FAM149A: variants seen among roughly 807,000 people sequenced by gnomAD.
FAM149A encodes protein FAM149A.
FAM149A carries 71 observed loss-of-function variants against 78.2 expected under a neutral mutation model. The observed-to-expected ratio is 0.91, with a 90% CI of 0.75 to 1.11. The LOEUF (loss-of-function observed/expected upper bound fraction) is 1.11, where lower values mean the gene tolerates loss of function less well. Ranked by LOEUF, FAM149A falls within the 50% of genes least tolerant of loss-of-function variation. The probability of loss-of-function intolerance (pLI) is 0.00; values close to 1 mark genes in which losing one functional copy is unlikely to be tolerated. For synonymous variants in FAM149A, 446 were observed against 410.5 expected (o/e 1.09, Z -1.04); for missense variants, 1,036 against 971.0 (o/e 1.07, Z -0.89).
At chr4:186,170,016 T>A in intron 13 of FAM149A, 2 of 850,250 alleles carry the variant, frequency 2.4e-6, no homozygotes, top group Non-Finnish European at 2.8e-6. Context: ...TTCATCCCCA[T>A]TTGGGGAGTG....
chr4:186,109,675 A>G (rs1230824746), intron 1 of FAM149A: 2 of 983,844 alleles, frequency 2.0e-6, no homozygotes, highest in Non-Finnish European at 2.4e-6. Context: ...AAAAAGTGTT[A>G]TCTATGATTA....
At chr4:186,168,502 C>T (rs1356992144) in intron 13 of FAM149A, among the ~76,000 whole-genome samples, 3 of 152,180 alleles carry the variant, frequency 2.0e-5, no homozygotes, top group Non-Finnish European at 4.4e-5. Flanking sequence ...ATTACAGGCA[C>T]ATGCCACGAT....
chr4:186,128,250 A>G (rs1021775593), intron 1 of FAM149A, among the ~76,000 whole-genome samples: 5 of 151,976 alleles, frequency 3.3e-5, no homozygotes, highest in Non-Finnish European at 7.4e-5. Flanking sequence ...CTGCCTCCCA[A>G]AATTCTGAGA....
At chr4:186,125,476 G>A (rs929962517) in intron 1 of FAM149A, 18 of 441,276 alleles carry the variant, frequency 4.1e-5, no homozygotes, top group Non-Finnish European at 5.4e-5. Flanking sequence ...GAAGCCTGAG[G>A]AAGATAGTCC....
Position 186,155,910 on chromosome 4 carries a change from A to G in FAM149A, c.1230-90A>G, listed in dbSNP as rs1018583615. 18 of 965,836 alleles carry G rather than the reference A, an allele frequency of 1.9e-5. 1 individual carries two copies. Among genetic ancestry groups the G allele is most frequent in the Non-Finnish European group, 2.5e-5 (16 of 650,186 alleles). The allele number at this position is 965,836 out of a possible 1,614,324, so 59.8% of individuals were successfully genotyped here. A position where few individuals can be genotyped will look rare whatever the true frequency, so the allele number is the denominator to read the frequency against. Reference sequence around the variant, plus strand: ...ACAAAGAATGTTTATTAATATATGTATACATGTACATACGTGAATGTGTGT... The same window carrying G: ...ACAAAGAATGTTTATTAATATATGTGTACATGTACATACGTGAATGTGTGT... On this transcript the variant is annotated intron_variant, in intron 6 of 13. Coordinates refer to ENST00000389354, the MANE Select transcript of FAM149A (RefSeq NM_001367768.3).
Position 186,165,728 on chromosome 4 carries a change from T to C in FAM149A, c.2010+264T>C, listed in dbSNP as rs566837509. Among the ~76,000 whole-genome samples, 92 of 152,312 alleles carry C rather than the reference T, an allele frequency of 6.0e-4. 1 individual carries two copies. The South Asian group carries it at 0.018, about 30-fold the overall frequency. On this transcript the variant is annotated intron_variant, in intron 11 of 13. Coordinates refer to ENST00000389354, the MANE Select transcript of FAM149A (RefSeq NM_001367768.3). Reference sequence around the variant, plus strand: ...TTCCAGGTGTCAAGGAAATCTCTGATAGGATAGTGGAGCAAAGAAGAGAGC... The same window carrying C: ...TTCCAGGTGTCAAGGAAATCTCTGACAGGATAGTGGAGCAAAGAAGAGAGC...
intron 7 of FAM149A, among the ~76,000 whole-genome samples, chr4:186,156,603 G>A (rs576053851): frequency 1.3e-5 from 2 of 151,926 alleles, no homozygotes; most frequent in African/African-American, 2.4e-5. Flanking sequence ...GAACCCAGGA[G>A]GTGGAGATTG....
In FAM149A at chr4:186,153,640, C is replaced by A; in HGVS notation, c.933-5C>A. 1 of 1,610,192 alleles carries A rather than the reference C, an allele frequency of 6.2e-7. No individual in the cohort carries two copies. The highest frequency in any genetic ancestry group is 8.5e-7 in the Non-Finnish European group (1 of 1,176,964). ...AATGTCAGTAGCTTCTCTTTGACCT[C>A]GCAGAGTATTAGGAAGACAGCTGAT... On this transcript the variant is annotated splice_region_variant and splice_polypyrimidine_tract_variant and intron_variant, in intron 4 of 13. Coordinates refer to ENST00000389354, the MANE Select transcript of FAM149A (RefSeq NM_001367768.3).
At chr4:186,113,787 A>C (rs2099312311) in intron 1 of FAM149A, among the ~76,000 whole-genome samples, 1 of 150,756 alleles carries the variant, frequency 6.6e-6, no homozygotes, top group African/African-American at 2.4e-5. Flanking sequence ...GTTCTTTTAC[A>C]TTTGCTGAGG....
chr4:186,108,125 G>C (rs1396104234), intron 1 of FAM149A, among the ~76,000 whole-genome samples: 1 of 152,090 alleles, frequency 6.6e-6, no homozygotes, highest in Non-Finnish European at 1.5e-5. Flanking sequence ...TCTGTCACTT[G>C]GCAGATAGCT....
Position 186,105,406 on chromosome 4 carries a change from C to T in FAM149A, c.330C>T (p.Pro110=). ...GAGCGGGTAAAGCCCCGCCCCAGCC[C>T]CCCACTCCCTCCGGCGGGGGCTGCT... The change falls in exon 1 of 14, where the codon CCC becomes CCT. Residue 110 remains proline (P), a synonymous_variant. Coordinates refer to ENST00000389354, the MANE Select transcript of FAM149A (RefSeq NM_001367768.3). 1.7e-6 allele frequency: 2 copies of T among 1,186,544 alleles called. No individual in the cohort carries two copies. Among genetic ancestry groups the T allele is most frequent in the Non-Finnish European group, 2.1e-6 (2 of 946,190 alleles). 73.5% of individuals were successfully genotyped at this position (1,186,544 alleles called of 1,614,324 possible).
Position 186,149,624 on chromosome 4 carries a change from T to A in FAM149A, c.709T>A (p.Ser237Thr). Residue 237 changes from serine (S) to threonine (T), a missense_variant, in exon 3 of 14, where the codon TCT becomes ACT. Around this residue, in one of 3 missense-constraint regions of FAM149A, gnomAD observed 716 missense variants for 711.8 expected, o/e 1.01. Coordinates refer to ENST00000389354, the MANE Select transcript of FAM149A (RefSeq NM_001367768.3). ...CCATACACCCACGGGAGCCCACACC[T>A]CTTGGTCTGGGTCGGCCACACAGAG... 3 of 1,289,860 alleles carry A rather than the reference T, an allele frequency of 2.3e-6. No individual in the cohort carries two copies. Among genetic ancestry groups the A allele is most frequent in the Non-Finnish European group, 2.0e-6 (2 of 988,834 alleles). 79.9% of individuals were successfully genotyped at this position (1,289,860 alleles called of 1,614,324 possible).
At chr4:186,121,590 C>T (rs1233972006) in intron 1 of FAM149A, among the ~76,000 whole-genome samples, 1 of 152,136 alleles carries the variant, frequency 6.6e-6, no homozygotes, top group Non-Finnish European at 1.5e-5. Flanking sequence ...TTGAGAAGAT[C>T]ATGGGATCCT....
At position 186,136,998 on chromosome 4, in the gene FAM149A, CTCTCTCTCTCTCTCTCTCTCTAA is replaced by C. The variant is rs1347402483; in HGVS notation, c.567-12174_567-12152del. 1.5e-4 allele frequency among the ~76,000 whole-genome samples: 21 copies of C among 138,938 alleles called. No homozygotes were observed. The East Asian group carries it at 2.2e-3, about 15-fold the overall frequency. 91.1% of individuals were successfully genotyped at this position (138,938 alleles called of 152,430 possible). Reference sequence around the variant, plus strand: ...TCTTTCTCTCTCTCTCTCTCTCTCTCTCTCTCTCTCTCTCTCTCTCTAAGTGCTTAAAGCAGGGCCTGGTGTGT... The same window carrying C: ...TCTTTCTCTCTCTCTCTCTCTCTCTCGTGCTTAAAGCAGGGCCTGGTGTGT... On this transcript the variant is annotated intron_variant, in intron 1 of 13. Transcript: ENST00000389354.
intron 8 of FAM149A, chr4:186,158,341 C>A: frequency 8.3e-7 from 1 of 1,209,398 alleles, no homozygotes. Context: ...AGATTCTCCT[C>A]TGTGCTGTGT....
At position 186,137,440 on chromosome 4, in the gene FAM149A, A is replaced by T. The variant is rs1045120977; in HGVS notation, c.567-11733A>T. 3.9e-5 allele frequency among the ~76,000 whole-genome samples: 6 copies of T among 152,172 alleles called. No individual in the cohort carries two copies. In the South Asian group the frequency reaches 1.2e-3, roughly 32 times the overall value. ...ATGGTATGATATGTGCATGGTACGC[A>T]CTTTCTGTCGGCTGTGCGTACCACC... On this transcript the variant is annotated intron_variant, in intron 1 of 13. Coordinates refer to ENST00000389354, the MANE Select transcript of FAM149A (RefSeq NM_001367768.3).
Position 186,173,905 on chromosome 4 carries a change from G to A in FAM149A, c.*1918G>A, listed in dbSNP as rs1328412968. On this transcript the variant is annotated 3_prime_UTR_variant, in exon 14 of 14. Coordinates refer to ENST00000389354, the MANE Select transcript of FAM149A (RefSeq NM_001367768.3). ...TCTTAATTCAGCAGCTCTCCCACTT[G>A]AGGAATAGTTAGATATGTGAGTAGC... Among the ~76,000 whole-genome samples, 3 of 111,604 alleles carry A rather than the reference G, an allele frequency of 2.7e-5. 1 individual carries two copies. Among genetic ancestry groups the A allele is most frequent in the African/African-American group, 8.4e-5 (3 of 35,552 alleles). The allele number at this position is 111,604 out of a possible 152,430, so 73.2% of individuals were successfully genotyped here.
chr4:186,156,039 T>C lies in FAM149A; in HGVS notation c.1269T>C (p.Gly423=), dbSNP rs748063006. The stretch of plus-strand genomic sequence containing the variant: ...TTGAACAAAAACCAGCTCAGCCCGG[T>C]AGGAAATGGCGCAAACTCGGACTTC... Residue 423 remains glycine, a synonymous_variant, in exon 7 of 14, where the codon GGT becomes GGC. Transcript: ENST00000389354. The C allele has an allele frequency of 1.1e-5, 17 of 1,613,634 alleles. No homozygotes were observed. The African/African-American group carries it at 1.9e-4, about 18-fold the overall frequency.
At chr4:186,169,645 T>G (rs1223114349) in intron 13 of FAM149A, 1 of 984,750 alleles carries the variant, frequency 1.0e-6, no homozygotes, top group Non-Finnish European at 1.2e-6. Context: ...AAAACCAGAG[T>G]GGATTCATGG....
Sources: allele counts gnomAD v4.1 joint callset (sites outside exome capture counted in the v4.1 genomes callset), GRCh38; gene constraint gnomAD v4.1.1; regional missense constraint gnomAD v4.1.1; transcripts MANE v1.5; gene names NCBI Gene and HGNC (gene_info 2026-07-23, HGNC 2026-07-21).